The following FHAD1 variants were observed in gnomAD, a reference collection of about 807,000 sequenced individuals.
FHAD1 encodes forkhead associated phosphopeptide binding domain 1, also known as forkhead-associated domain-containing protein 1.
FHAD1 carries 146 observed loss-of-function variants against 191.3 expected under a neutral mutation model. The observed-to-expected ratio is 0.76, with a 90% CI of 0.67 to 0.88. FHAD1 has a LOEUF of 0.88. Among genes scored for constraint, FHAD1 ranks in the 40% least tolerant of loss-of-function variants. FHAD1 has a pLI of 0.00. For missense variants in FHAD1, 1,635 were observed against 1,785.8 expected, an observed-to-expected ratio of 0.92 and a Z score of 1.52; for synonymous variants, 616 against 672.3, an observed-to-expected ratio of 0.92 and a Z score of 1.29.
chr1:15,396,609 G>C (rs898849704), intron 33 of FHAD1, among the ~76,000 whole-genome samples: 2 of 152,078 alleles, frequency 1.3e-5, no homozygotes, highest in Non-Finnish European at 2.9e-5. Context: ...AGGAGTTCCA[G>C]ACCAACTTGA....
intron 4 of FHAD1, among the ~76,000 whole-genome samples, chr1:15,292,277 A>C (rs2100649217): frequency 6.6e-6 from 1 of 152,170 alleles, no homozygotes; most frequent in Admixed American, 6.5e-5. Flanking sequence ...CCTCCTGAGT[A>C]GCTGGGATTA....
rs753166966 is a variant in FHAD1, at chr1:15,328,306, G to A, written c.1587G>A (p.Glu529=). 2.7e-5 allele frequency: 41 copies of A among 1,533,280 alleles called. No homozygotes were observed. The highest frequency in any genetic ancestry group is 3.2e-5 in the Non-Finnish European group (37 of 1,140,616). The allele number at this position is 1,533,280 out of a possible 1,614,324, so 95.0% of individuals were successfully genotyped here. Reference sequence around the variant, plus strand: ...TAGAGAAAATTACCCAGGTCACTGAGGACAACATCAATTTTCAGCAGAAAA... The same window carrying A: ...TAGAGAAAATTACCCAGGTCACTGAAGACAACATCAATTTTCAGCAGAAAA... ...QLIEKITQVT[E]DNINFQQKKW... is the part of the protein sequence containing the mutation. Residue 529 remains glutamate (E), a synonymous_variant, in exon 13 of 34, where the codon GAG becomes GAA. Coordinates refer to ENST00000688493, the MANE Select transcript of FHAD1 (RefSeq NM_001391957.1).
intron 22 of FHAD1, among the ~76,000 whole-genome samples, 170 bp downstream of exon 22, chr1:15,360,873 C>T (rs1383720514): frequency 1.3e-5 from 2 of 152,084 alleles, no homozygotes; most frequent in African/African-American, 4.8e-5. Flanking sequence ...AGAAGCCCTC[C>T]GAGGCCCAGG....
At chr1:15,236,745 C>T (rs1482652670) in exon 1 of FHAD1, among the ~76,000 whole-genome samples, 2 of 152,328 alleles carry the variant, frequency 1.3e-5, no homozygotes, top group African/African-American at 4.8e-5. Context: ...TTGAGCCCTG[C>T]AGACTTTTCA....
At chr1:15,347,621 G>C (rs1689376321) in intron 18 of FHAD1, among the ~76,000 whole-genome samples, 1 of 152,178 alleles carries the variant, frequency 6.6e-6, no homozygotes, top group Admixed American at 6.5e-5. Flanking sequence ...CTAATTTTTT[G>C]TATTTCTAGT....
At chr1:15,319,996 A>T (rs867627197) in intron 10 of FHAD1, among the ~76,000 whole-genome samples, 1 of 152,156 alleles carries the variant, frequency 6.6e-6, no homozygotes, top group African/African-American at 2.4e-5. Flanking sequence ...TGGGCTATCA[A>T]TTTTTCTCTA....
intron 2 of FHAD1, among the ~76,000 whole-genome samples, chr1:15,266,725 C>A (rs1465617968): frequency 6.6e-6 from 1 of 152,128 alleles, no homozygotes; most frequent in Non-Finnish European, 1.5e-5. Flanking sequence ...CCCTAAAGAT[C>A]CCCTGTGCTT....
rs1288354881 is a variant in FHAD1 at position 15,343,253 on chromosome 1, G to A, written c.2130+1365G>A. ...GTGGGGTGAGGGTGTGGCCCCTGCT[G>A]TGGGATTTCTAAGCACTCCCGGGTG... On this transcript the variant is annotated intron_variant, in intron 16 of 33. Transcript: ENST00000688493. Among the ~76,000 whole-genome samples the A allele has an allele frequency of 2.6e-5, 4 of 152,122 alleles. No homozygotes were observed. In the East Asian group the frequency reaches 5.8e-4, roughly 22 times the overall value.
At chr1:15,262,769 G>A (rs1307720941) in intron 2 of FHAD1, among the ~76,000 whole-genome samples, 1 of 152,178 alleles carries the variant, frequency 6.6e-6, no homozygotes, top group African/African-American at 2.4e-5. Flanking sequence ...CTAGGAACAC[G>A]ACTGTACAAA....
At chr1:15,356,997 G>T (rs1693021478) in intron 20 of FHAD1, among the ~76,000 whole-genome samples, 1 of 152,160 alleles carries the variant, frequency 6.6e-6, no homozygotes, top group Non-Finnish European at 1.5e-5. Context: ...CTCCCCTGGG[G>T]TGGTTTCTCA....
At chr1:15,252,427 G>A (rs922214778) in intron 2 of FHAD1, among the ~76,000 whole-genome samples, 1 of 152,232 alleles carries the variant, frequency 6.6e-6, no homozygotes, top group Non-Finnish European at 1.5e-5. Context: ...TATGGAAAGG[G>A]GAGATAATGC....
chr1:15,265,823 T>C (rs1653168306), intron 2 of FHAD1, among the ~76,000 whole-genome samples: 1 of 151,624 alleles, frequency 6.6e-6, no homozygotes. Flanking sequence ...AATACAAAAT[T>C]AGCTGGATGT....
At position 15,312,508 on chromosome 1, in the gene FHAD1, A is replaced by G. The variant is rs1242989435; in HGVS notation, c.1040-549A>G. ...AAAACTCCATGTCTACAAAAAATAC[A>G]AAAATTAGCCAGGCATAGTGGCACG... On this transcript the variant is annotated intron_variant, in intron 7 of 33. Coordinates refer to ENST00000688493, the MANE Select transcript of FHAD1 (RefSeq NM_001391957.1). This position sits in a 1 kb window ranked among gnomAD's most constrained non-coding sequence, Gnocchi z 4.7. 6.6e-6 allele frequency among the ~76,000 whole-genome samples: 1 copy of G among 152,138 alleles called. No homozygotes were observed. Among genetic ancestry groups the G allele is most frequent in the Non-Finnish European group, 1.5e-5 (1 of 68,026 alleles).
intron 24 of FHAD1, among the ~76,000 whole-genome samples, chr1:15,366,542 G>T (rs1158465625): frequency 1.3e-5 from 2 of 152,186 alleles, no homozygotes; most frequent in Non-Finnish European, 2.9e-5. Context: ...TTTGCTTCTG[G>T]AAGCAAAGGC....
At chr1:15,292,376 C>T (rs1558022073) in intron 4 of FHAD1, among the ~76,000 whole-genome samples, 1 of 152,090 alleles carries the variant, frequency 6.6e-6, no homozygotes, top group Non-Finnish European at 1.5e-5. Flanking sequence ...CTCTGTCGCC[C>T]AGGCTGGAGT....
intron 19 of FHAD1, among the ~76,000 whole-genome samples, chr1:15,349,660 C>T (rs1026444216): frequency 6.6e-6 from 1 of 152,200 alleles, no homozygotes; most frequent in African/African-American, 2.4e-5. Context: ...GGAGTAAAAG[C>T]ACAAAGAGCA....
At chr1:15,244,438 G>A (rs566683532), upstream of FHAD1, among the ~76,000 whole-genome samples, 1 of 152,278 alleles carries the variant, frequency 6.6e-6, no homozygotes, top group African/African-American at 2.4e-5. This position sits in a 1 kb window ranked among gnomAD's most constrained non-coding sequence, Gnocchi z 5.1. Flanking sequence ...TTTCACTGGG[G>A]TCTGTCTGAT....
At chr1:15,239,039 C>G (rs1645078742) in intron 1 of FHAD1, among the ~76,000 whole-genome samples, 2 of 152,176 alleles carry the variant, frequency 1.3e-5, no homozygotes. Context: ...TCCAGAGTAG[C>G]TGAGACTACA....
rs1456585396 is a variant in FHAD1 at position 15,251,869 on chromosome 1, G to C, written c.85G>C (p.Val29Leu). Residue 29 changes from valine (V) to leucine (L), a missense_variant, in exon 2 of 34, where the codon GTT becomes CTT. Coordinates refer to ENST00000688493, the MANE Select transcript of FHAD1 (RefSeq NM_001391957.1). ...TGGAAGGCATGAAAATTCAGACCTT[G>C]TTTTACAGGTAAGAAGTCTTCCCAC... ...TIGRHENSDL[V>L]LQSPDIDNHH... is the part of the protein sequence containing the mutation. The C allele has an allele frequency of 2.4e-5, 38 of 1,552,260 alleles. No homozygotes were observed. The highest frequency in any genetic ancestry group is 1.7e-4 in the Middle Eastern group (1 of 5,998).
Sources: gnomAD v4.1 joint callset for allele counts (sites outside exome capture counted in the v4.1 genomes callset) on GRCh38, gnomAD v4.1.1 for gene constraint, Gnocchi (gnomAD v3.1) non-coding constraint, MANE v1.5 for transcripts, NCBI Gene and HGNC (gene_info 2026-07-23, HGNC 2026-07-21) for gene names.